ASMTL: variants seen among roughly 807,000 people sequenced by gnomAD.
The protein encoded by ASMTL is probable bifunctional dTTP/UTP pyrophosphatase/methyltransferase protein.
A neutral mutation model predicts 60.3 loss-of-function variants in ASMTL; 57 were observed. That is an observed-to-expected ratio of 0.95 (90% CI 0.76 to 1.18). ASMTL has a LOEUF of 1.18. ASMTL is among the 50% of genes most tolerant of loss of function. The pLI, the probability that ASMTL is intolerant of heterozygous loss-of-function variation, is 0.00. For missense variants in ASMTL, 981 were observed against 852.6 expected (o/e 1.15, Z -1.88); for synonymous variants, 419 against 373.0 (o/e 1.12, Z -1.42).
intron 2 of ASMTL, among the ~76,000 whole-genome samples, chrX:1,439,853 A>G (rs2091064843): frequency 6.6e-6 from 1 of 151,618 alleles, no homozygotes; most frequent in Non-Finnish European, 1.5e-5. Flanking sequence ...AAAAAGAAAA[A>G]AAAAAACAAG....
chrX:1,418,844 G>T, intron 10 of ASMTL, 138 bp downstream of exon 10: 1 of 1,092,482 alleles, frequency 9.2e-7, no homozygotes, highest in Admixed American at 2.2e-5. Context: ...CCCATGATCT[G>T]GGACTCAGCC....
At chrX:1,432,440 G>C (rs1986489747) in intron 5 of ASMTL, 63 bp from the exon 6 acceptor site, 1 of 1,250,262 alleles carries the variant, frequency 8.0e-7, no homozygotes, top group Non-Finnish European at 1.2e-6. Context: ...TGCCCTGACA[G>C]CTGCGTGGCT....
At chrX:1,412,160 T>C (rs1179425208) in intron 12 of ASMTL, among the ~76,000 whole-genome samples, 6 of 151,938 alleles carry the variant, frequency 3.9e-5, no homozygotes, top group Non-Finnish European at 2.9e-5. Context: ...CTCCACAATT[T>C]AGCGGGCCTC....
At chrX:1,433,634 G>C (rs1207853876) in intron 5 of ASMTL, among the ~76,000 whole-genome samples, 1 of 151,586 alleles carries the variant, frequency 6.6e-6, no homozygotes, top group East Asian at 1.9e-4. Flanking sequence ...GAGCCGAGAT[G>C]GCGCAAGTGC....
At chrX:1,420,479 T>A (rs1249204297) in intron 9 of ASMTL, among the ~76,000 whole-genome samples, 1 of 152,112 alleles carries the variant, frequency 6.6e-6, no homozygotes, top group Non-Finnish European at 1.5e-5. Context: ...ACACCCTGAC[T>A]CCGTGCTCAC....
intron 11 of ASMTL, among the ~76,000 whole-genome samples, chrX:1,415,759 C>G (rs747036046): frequency 6.6e-6 from 1 of 152,214 alleles, no homozygotes; most frequent in African/African-American, 2.4e-5. Context: ...AGCTACTGTG[C>G]CCAGCCTTGT....
intron 2 of ASMTL, among the ~76,000 whole-genome samples, chrX:1,441,402 G>C (rs1340154196): frequency 1.3e-5 from 2 of 152,056 alleles, no homozygotes; most frequent in Non-Finnish European, 2.9e-5. Context: ...TCAGCCTCCT[G>C]AGTAGCTGGG....
chrX:1,444,824 T>C (rs1443723467), intron 1 of ASMTL, among the ~76,000 whole-genome samples: 4 of 152,030 alleles, frequency 2.6e-5, no homozygotes, highest in Admixed American at 2.6e-4. Context: ...CCATTCACCT[T>C]CCAAGCAATT....
intron 7 of ASMTL, among the ~76,000 whole-genome samples, chrX:1,426,627 T>C (rs2090619533): frequency 6.6e-6 from 1 of 151,746 alleles, no homozygotes; most frequent in Non-Finnish European, 1.5e-5. Flanking sequence ...CCGAGGCGGG[T>C]GGATCAGCTG....
intron 5 of ASMTL, among the ~76,000 whole-genome samples, chrX:1,433,905 G>A (rs1172973470): frequency 2.6e-5 from 4 of 152,140 alleles, no homozygotes; most frequent in African/African-American, 9.7e-5. Flanking sequence ...AGTTCTGTGA[G>A]CCCCTCGAGC....
chrX:1,443,103 A>T (rs867847586), intron 1 of ASMTL, among the ~76,000 whole-genome samples: 1 of 142,084 alleles, frequency 7.0e-6, no homozygotes, highest in Admixed American at 7.0e-5. Context: ...TGGGACACAC[A>T]CCGTCGTCGT....
At chrX:1,447,931 T>C (rs1159470628) in intron 1 of ASMTL, among the ~76,000 whole-genome samples, 1 of 150,932 alleles carries the variant, frequency 6.6e-6, no homozygotes, top group Non-Finnish European at 1.5e-5. Flanking sequence ...CACCGCCATC[T>C]TGGATACACA....
intron 1 of ASMTL, among the ~76,000 whole-genome samples, chrX:1,442,994 C>T (rs1162350838): frequency 6.6e-6 from 1 of 152,238 alleles, no homozygotes; most frequent in Non-Finnish European, 1.5e-5. Context: ...AAAGCATCGC[C>T]ATCTTGGACA....
At chrX:1,426,911 A>G (rs2090627468) in intron 7 of ASMTL, among the ~76,000 whole-genome samples, 1 of 152,042 alleles carries the variant, frequency 6.6e-6, no homozygotes, top group South Asian at 2.1e-4. Flanking sequence ...TGAACCCGGG[A>G]GGCAGAGGTT....
intron 1 of ASMTL, among the ~76,000 whole-genome samples, chrX:1,443,567 CCGCCA>C (rs2091166705): frequency 6.6e-6 from 1 of 151,816 alleles, no homozygotes; most frequent in East Asian, 1.9e-4. Context: ...TGGACACACA[CCGCCA>C]TCATGGACAC....
At chrX:1,406,188 T>C (rs1769022271) in intron 12 of ASMTL, among the ~76,000 whole-genome samples, 1 of 147,106 alleles carries the variant, frequency 6.8e-6, no homozygotes, top group African/African-American at 2.6e-5. Flanking sequence ...GATGGGTAGA[T>C]AGATGAATGG....
intron 8 of ASMTL, 74 bp from the exon 9 acceptor site, chrX:1,421,916 A>G: frequency 7.1e-7 from 1 of 1,404,532 alleles, no homozygotes; most frequent in Non-Finnish European, 1.0e-6. Context: ...GGGATGTATC[A>G]TTGAGATGTT....
At chrX:1,404,847 G>C (rs1393595316) in intron 12 of ASMTL, among the ~76,000 whole-genome samples, 3 of 151,024 alleles carry the variant, frequency 2.0e-5, no homozygotes, top group Admixed American at 6.6e-5. Flanking sequence ...TGGATAGGTA[G>C]GAAGATGAAT....
rs753827758 is a variant in ASMTL at position 1,419,075 on chromosome X, T to G, written c.1285A>C (p.Met429Leu). The stretch of plus-strand genomic sequence containing the variant: ...TTCGTCATGCCGTGCATGGCCCGCA[T>G]GAACCTCAGCCGCGTCTCCGGGCTC... Reference protein sequence around the residue: ...YQSPETRLRFMRAMHGMTKLT... With the variant: ...YQSPETRLRFLRAMHGMTKLT... Residue 429 changes from methionine to leucine, a missense_variant, in exon 10 of 13, where the codon ATG becomes CTG. Coordinates refer to ENST00000381317, the MANE Select transcript of ASMTL (RefSeq NM_004192.4). The G allele has an allele frequency of 6.2e-6, 10 of 1,611,348 alleles. No individual in the cohort carries two copies. Among genetic ancestry groups the G allele is most frequent in the East Asian group, 2.2e-5 (1 of 44,856 alleles).
Sources: gnomAD v4.1 joint callset for allele counts (sites outside exome capture counted in the v4.1 genomes callset) on GRCh38, gnomAD v4.1.1 for gene constraint, MANE v1.5 for transcripts, NCBI Gene and HGNC (gene_info 2026-07-23, HGNC 2026-07-21) for gene names.